Variants in DMD observed in about 807,000 individuals in gnomAD.
The protein encoded by DMD is dystrophin, also known as mutant dystrophin.
Under a neutral mutation model 330.1 loss-of-function variants are expected in DMD, and 63 were observed. That is an observed-to-expected ratio of 0.19 (90% CI 0.16 to 0.24). The LOEUF (loss-of-function observed/expected upper bound fraction) is 0.24. DMD is among the 10% of genes least tolerant of loss of function. The pLI is 1.00. For missense variants in DMD, 3,344 were observed against 2,684.1 expected (o/e 1.25, Z -5.43); for synonymous variants, 1,223 against 959.8 (o/e 1.27, Z -5.07).
chrX:31,713,439 T>C (rs187764999), intron 52 of DMD, among the ~76,000 whole-genome samples: 108 of 111,931 alleles, frequency 9.6e-4, no homozygotes, highest in African/African-American at 3.2e-3. Context: ...CTCTAATTTA[T>C]GCTTTATATC....
At chrX:32,580,230 G>A (rs2053514985) in intron 13 of DMD, among the ~76,000 whole-genome samples, 1 of 111,186 alleles carries the variant, frequency 9.0e-6, no homozygotes, top group East Asian at 2.8e-4. Context: ...AGCTCCTTGA[G>A]GTGGGCTCCT....
chrX:32,717,963 G>T (rs2065901483), intron 7 of DMD, among the ~76,000 whole-genome samples: 1 of 111,597 alleles, frequency 9.0e-6, no homozygotes, highest in Non-Finnish European at 1.9e-5. Flanking sequence ...GCTAATGCCT[G>T]TACCCTCATT....
chrX:31,739,809 A>G (rs1482198934), intron 51 of DMD, among the ~76,000 whole-genome samples: 1 of 100,059 alleles, frequency 1.0e-5, no homozygotes. Flanking sequence ...ATAAATATAA[A>G]ATAAATAAAA....
chrX:31,941,521 G>A (rs1013293172), intron 45 of DMD, among the ~76,000 whole-genome samples: 2 of 111,262 alleles, frequency 1.8e-5, no homozygotes, highest in African/African-American at 3.3e-5. Context: ...TCCTCCTGTC[G>A]CTGTCTCCTT....
chrX:32,780,821 G>A (rs1467285591), intron 7 of DMD, among the ~76,000 whole-genome samples: 3 of 110,059 alleles, frequency 2.7e-5, no homozygotes, highest in African/African-American at 6.6e-5. Flanking sequence ...AACATTTGTT[G>A]TACATTAAAA....
At chrX:31,904,287 T>A (rs2094454264) in intron 47 of DMD, among the ~76,000 whole-genome samples, 1 of 111,783 alleles carries the variant, frequency 8.9e-6, no homozygotes, top group African/African-American at 3.2e-5. Context: ...CCCAGAGTAT[T>A]AGCTGCATTT....
At chrX:32,258,361 A>C (rs1480006852) in intron 43 of DMD, among the ~76,000 whole-genome samples, 2 of 111,964 alleles carry the variant, frequency 1.8e-5, no homozygotes, top group African/African-American at 6.5e-5. Context: ...AGACACATGC[A>C]CACGTATGTT....
Position 32,858,574 on chromosome X carries a change from T to G in DMD, c.94-8754A>C, listed in dbSNP as rs1183053527. Reference sequence around the variant, plus strand: ...CCATCTCTTGACCTTGTGATCCGCCTCCCTCAGCTTCCCAAAGTACTGGGA... The same window carrying G: ...CCATCTCTTGACCTTGTGATCCGCCGCCCTCAGCTTCCCAAAGTACTGGGA... On this transcript the variant is annotated intron_variant, in intron 2 of 78. Transcript: ENST00000357033. 8.1e-5 allele frequency among the ~76,000 whole-genome samples: 9 copies of G among 111,508 alleles called. 1 individual carries two copies. The Admixed American group carries it at 8.6e-4, about 11-fold the overall frequency.
chrX:32,650,373 T>C (rs1408682216), intron 9 of DMD, among the ~76,000 whole-genome samples: 1 of 111,899 alleles, frequency 8.9e-6, no homozygotes, highest in Non-Finnish European at 1.9e-5. Flanking sequence ...TTCTTTTTCA[T>C]GGAGTCTAAG....
At chrX:32,748,485 G>GT (rs1182505498) in intron 7 of DMD, among the ~76,000 whole-genome samples, 1 of 111,742 alleles carries the variant, frequency 8.9e-6, no homozygotes, top group Middle Eastern at 4.2e-3. Context: ...GCCAGCTGGG[G>GT]TATGAGTCCA....
At position 32,166,015 on chromosome X, in the gene DMD, G is replaced by A. The variant is rs781116597; in HGVS notation, c.6438+50901C>T. On this transcript the variant is annotated intron_variant, in intron 44 of 78. Coordinates refer to ENST00000357033, the MANE Select transcript of DMD (RefSeq NM_004006.3). ...GGCCTCCCCAGCCATATTGAACTGT[G>A]AGTCAATTAAACCTCTTTCCTTTAT... Among the ~76,000 whole-genome samples, 10 of 111,375 alleles carry A rather than the reference G, an allele frequency of 9.0e-5. No individual in the cohort carries two copies. In the South Asian group the frequency reaches 2.3e-3, roughly 26 times the overall value.
At chrX:31,858,886 G>C (rs1456314181) in intron 48 of DMD, among the ~76,000 whole-genome samples, 1 of 111,403 alleles carries the variant, frequency 9.0e-6, no homozygotes, top group Non-Finnish European at 1.9e-5. Context: ...TGTAACAAGT[G>C]GCTTCAAGTT....
At chrX:31,462,645 C>G (rs1603114865) in intron 59 of DMD, among the ~76,000 whole-genome samples, 1 of 111,483 alleles carries the variant, frequency 9.0e-6, no homozygotes, top group African/African-American at 3.3e-5. Flanking sequence ...CTCCTGAGAG[C>G]AGACCCTCTA....
chrX:32,857,888 G>A, intron 2 of DMD, among the ~76,000 whole-genome samples: 1 of 111,056 alleles, frequency 9.0e-6, no homozygotes, highest in Non-Finnish European at 1.9e-5. Context: ...CATAGACCAA[G>A]GTCTTTTATA....
chrX:31,660,790 G>A (rs1022288903), intron 53 of DMD, among the ~76,000 whole-genome samples: 1 of 111,500 alleles, frequency 9.0e-6, no homozygotes, highest in Non-Finnish European at 1.9e-5. Context: ...ATAGGTTCCT[G>A]TTTGAAAAGT....
At chrX:32,766,060 C>CT (rs1273810330) in intron 7 of DMD, among the ~76,000 whole-genome samples, 5 of 111,329 alleles carry the variant, frequency 4.5e-5, no homozygotes, top group Admixed American at 2.9e-4. Flanking sequence ...TCTACATTCC[C>CT]TTTTTTTAAG....
At chrX:31,149,940 A>C (rs1256193224) in intron 74 of DMD, among the ~76,000 whole-genome samples, 1 of 112,033 alleles carries the variant, frequency 8.9e-6, no homozygotes, top group Non-Finnish European at 1.9e-5. Context: ...TGATCCTTTG[A>C]AATTTAGCAA....
intron 44 of DMD, among the ~76,000 whole-genome samples, chrX:32,084,073 T>A (rs1450895210): frequency 8.9e-6 from 1 of 112,128 alleles, no homozygotes; most frequent in Non-Finnish European, 1.9e-5. Flanking sequence ...TTGTCAAGAT[T>A]TTTTTTTACT....
At chrX:32,827,355 G>A (rs1341478712) in intron 4 of DMD, among the ~76,000 whole-genome samples, 1 of 111,260 alleles carries the variant, frequency 9.0e-6, no homozygotes, top group Non-Finnish European at 1.9e-5. Context: ...AGATCACTAG[G>A]GGGTAATTAA....
Sources: gnomAD v4.1 joint callset for allele counts (sites outside exome capture counted in the v4.1 genomes callset) on GRCh38, gnomAD v4.1.1 for gene constraint, MANE v1.5 for transcripts, NCBI Gene and HGNC (gene_info 2026-07-23, HGNC 2026-07-21) for gene names.